The following TENM3 variants were observed in gnomAD, a reference collection of about 807,000 sequenced individuals.
TENM3 encodes teneurin-3.
In TENM3, 63 loss-of-function variants were observed where a neutral mutation model predicts 255.1. The ratio of observed to expected loss-of-function variants is 0.25; its 90% CI spans 0.20 to 0.30. TENM3 has a LOEUF of 0.30. Ranked by LOEUF, TENM3 falls within the 10% of genes least tolerant of loss-of-function variation. The pLI, the probability that TENM3 is intolerant of heterozygous loss-of-function variation, is 1.00. For synonymous variants in TENM3, 1,306 were observed against 1,322.3 expected (o/e 0.99, Z 0.27); for missense variants, 2,929 against 3,461.1 (o/e 0.85, Z 3.86).
At chr4:181,631,322 T>C in the TENM3 span, among the ~76,000 whole-genome samples, 3 of 152,012 alleles carry the variant, frequency 2.0e-5, no homozygotes, top group Admixed American at 1.3e-4. Flanking sequence ...GAAGTTTCTC[T>C]TTTGTTGCCC....
At chr4:182,421,136 T>G (rs779262276) in intron 3 of TENM3, among the ~76,000 whole-genome samples, 19 of 152,206 alleles carry the variant, frequency 1.2e-4, no homozygotes, top group Non-Finnish European at 2.5e-4. Flanking sequence ...ACTGATAGAC[T>G]AATCAAAATC....
the TENM3 span, among the ~76,000 whole-genome samples, chr4:181,654,922 G>T: frequency 6.6e-6 from 1 of 152,160 alleles, no homozygotes; most frequent in Non-Finnish European, 1.5e-5. Context: ...CCTAGATCAA[G>T]AAGAGGAAAG....
At chr4:182,304,275 C>A (rs1040557355) in intron 1 of TENM3, among the ~76,000 whole-genome samples, 1 of 151,814 alleles carries the variant, frequency 6.6e-6, no homozygotes, top group Non-Finnish European at 1.5e-5. Context: ...TGCAGTGGTA[C>A]GATCTTGGCT....
At chr4:181,990,130 C>T in the TENM3 span, among the ~76,000 whole-genome samples, 3 of 152,166 alleles carry the variant, frequency 2.0e-5, no homozygotes, top group African/African-American at 7.2e-5. Flanking sequence ...TAAGCTTGTA[C>T]GTATTTCCTC....
At chr4:182,257,588 G>A (rs559596744) in intron 1 of TENM3, among the ~76,000 whole-genome samples, 102 of 152,260 alleles carry the variant, frequency 6.7e-4, no homozygotes, top group Middle Eastern at 6.8e-3. Context: ...ACTGCCCAAG[G>A]ATGCATTTCT....
chr4:182,591,714 AAAT>A (rs1746670292), intron 3 of TENM3, among the ~76,000 whole-genome samples: 1 of 152,222 alleles, frequency 6.6e-6, no homozygotes, highest in East Asian at 1.9e-4. Flanking sequence ...ATTCTAGAAA[AAAT>A]AATGAACTAC....
At chr4:182,538,889 G>A (rs949843203) in intron 3 of TENM3, among the ~76,000 whole-genome samples, 1 of 151,966 alleles carries the variant, frequency 6.6e-6, no homozygotes, top group African/African-American at 2.4e-5. Context: ...TGGGGGCTGA[G>A]GAAAGATCCT....
At chr4:181,942,269 C>CTT in the TENM3 span, among the ~76,000 whole-genome samples, 820 of 106,104 alleles carry the variant, frequency 7.7e-3, 10 homozygotes, top group African/African-American at 0.028. Context: ...GATGTTGGGC[C>CTT]TTTTTTTTTT....
At chr4:182,421,364 C>T (rs943822311) in intron 3 of TENM3, among the ~76,000 whole-genome samples, 1 of 152,132 alleles carries the variant, frequency 6.6e-6, no homozygotes, top group Admixed American at 6.6e-5. Flanking sequence ...GCCAAGAGAG[C>T]AATAACCACA....
At chr4:182,592,171 A>C (rs2152390578) in intron 3 of TENM3, among the ~76,000 whole-genome samples, 1 of 150,670 alleles carries the variant, frequency 6.6e-6, no homozygotes, top group African/African-American at 2.4e-5. Context: ...TTATTTTTAA[A>C]GGAATGGATT....
chr4:181,799,615 A>T, the TENM3 span, among the ~76,000 whole-genome samples: 4 of 152,248 alleles, frequency 2.6e-5, no homozygotes, highest in Non-Finnish European at 5.9e-5. Flanking sequence ...AAGTCATATA[A>T]GCACTGAGAA....
chr4:182,497,798 A>T (rs1042996171), intron 3 of TENM3, among the ~76,000 whole-genome samples: 4 of 148,590 alleles, frequency 2.7e-5, no homozygotes, highest in African/African-American at 1.0e-4. Context: ...TTATGTAGAC[A>T]CGTGATGTAT....
At position 182,754,943 on chromosome 4, in the gene TENM3, A is replaced by G. The variant is rs754549103; in HGVS notation, c.4576A>G (p.Ile1526Val). 8.1e-6 allele frequency: 13 copies of G among 1,613,930 alleles called. No individual in the cohort carries two copies. The African/African-American group carries it at 1.6e-4, about 20-fold the overall frequency. ...TGATCAAGAACTCTACATCTTTGACATCAATGGTACTCACCAATATACTGT... is the reference window on the plus strand; with the variant it reads ...TGATCAAGAACTCTACATCTTTGACGTCAATGGTACTCACCAATATACTGT... Reference protein sequence around the residue: ...PTDQELYIFDINGTHQYTVSL... With the variant: ...PTDQELYIFDVNGTHQYTVSL... Residue 1526 changes from isoleucine to valine, a missense_variant, in exon 22 of 28, where the codon ATC becomes GTC. Ile to Val is a conservative substitution (Grantham distance 29). This residue lies in a region of TENM3 where 1,608 missense variants were observed against 1,884.4 expected (regional missense o/e 0.85). Transcript: ENST00000511685. The surrounding 1 kb of genome is among the most constrained non-coding windows in gnomAD (Gnocchi z 5.1).
chr4:182,092,613 C>T, the TENM3 span, among the ~76,000 whole-genome samples: 2 of 152,196 alleles, frequency 1.3e-5, 1 homozygote, highest in South Asian at 4.1e-4. Flanking sequence ...TGCCTCTGCA[C>T]TCCAGCCTGG....
intron 7 of TENM3, among the ~76,000 whole-genome samples, chr4:182,679,202 A>G (rs1458240586): frequency 1.4e-5 from 2 of 144,444 alleles, no homozygotes; most frequent in Admixed American, 6.9e-5. Context: ...AGAACTTAAA[A>G]TAAAATTTAA....
chr4:182,337,609 C>G (rs1031644383), intron 2 of TENM3, among the ~76,000 whole-genome samples: 1 of 152,184 alleles, frequency 6.6e-6, no homozygotes, highest in Non-Finnish European at 1.5e-5. Context: ...GCTTTGGAAA[C>G]TGTTGGGCAA....
the TENM3 span, among the ~76,000 whole-genome samples, chr4:181,857,576 C>CAAAA: frequency 2.6e-5 from 1 of 38,708 alleles, no homozygotes; most frequent in Non-Finnish European, 4.3e-5. Flanking sequence ...AAAAAAAAAA[C>CAAAA]AAAACAAAAC....
chr4:181,518,851 G>A, the TENM3 span, among the ~76,000 whole-genome samples: 1 of 152,102 alleles, frequency 6.6e-6, no homozygotes, highest in African/African-American at 2.4e-5. Flanking sequence ...AGCCACACTG[G>A]GAGAATCGTA....
chr4:181,487,696 C>T, the TENM3 span, among the ~76,000 whole-genome samples: 376 of 152,114 alleles, frequency 2.5e-3, 10 homozygotes, highest in East Asian at 0.068. Flanking sequence ...CATAGCAATA[C>T]CTGAAGCATC....
Sources: gnomAD v4.1 joint callset for allele counts (sites outside exome capture counted in the v4.1 genomes callset) on GRCh38, gnomAD v4.1.1 for gene constraint, gnomAD v4.1.1 regional missense constraint, Gnocchi (gnomAD v3.1) non-coding constraint, MANE v1.5 for transcripts, NCBI Gene and HGNC (gene_info 2026-07-23, HGNC 2026-07-21) for gene names.